DLC1: variants seen among roughly 807,000 people sequenced by gnomAD.
The protein encoded by DLC1 is rho GTPase-activating protein 7.
Under a neutral mutation model 140.3 loss-of-function variants are expected in DLC1, and 54 were observed. The ratio of observed to expected loss-of-function variants is 0.38; its 90% CI spans 0.31 to 0.48. The LOEUF (loss-of-function observed/expected upper bound fraction) is 0.48, where lower values mean the gene tolerates loss of function less well. Ranked by LOEUF, DLC1 falls within the 20% of genes least tolerant of loss-of-function variation. The pLI is 0.96. For missense variants in DLC1, 2,536 were observed against 1,907.0 expected (o/e 1.33, Z -6.14); for synonymous variants, 986 against 728.1 (o/e 1.35, Z -5.70).
intron 1 of DLC1, among the ~76,000 whole-genome samples, chr8:13,525,472 G>A (rs1180449091): frequency 6.6e-6 from 1 of 152,076 alleles, no homozygotes; most frequent in Non-Finnish European, 1.5e-5. Context: ...AAGAATTTTT[G>A]TTGTTACACA....
chr8:13,431,807 A>G (rs1171028558), intron 2 of DLC1, among the ~76,000 whole-genome samples: 1 of 152,126 alleles, frequency 6.6e-6, no homozygotes, highest in African/African-American at 2.4e-5. Flanking sequence ...AGTGGAGGAT[A>G]GGGGCCATGA....
intron 4 of DLC1, chr8:13,341,941 C>T (rs543393668): frequency 4.6e-5 from 7 of 152,186 alleles, no homozygotes; most frequent in Admixed American, 1.3e-4. Context: ...TAATAAAATG[C>T]CTAAACTGCT....
intron 4 of DLC1, among the ~76,000 whole-genome samples, chr8:13,383,277 C>T (rs189875887): frequency 2.0e-5 from 3 of 152,272 alleles, no homozygotes; most frequent in African/African-American, 7.2e-5. Flanking sequence ...CACTTACGTG[C>T]CTTCTGTTTC....
chr8:13,426,653 T>A (rs979166515), intron 2 of DLC1, among the ~76,000 whole-genome samples: 5 of 152,160 alleles, frequency 3.3e-5, no homozygotes, highest in Non-Finnish European at 7.3e-5. Flanking sequence ...CAATTGAGAC[T>A]TAGTAGGGGC....
chr8:13,589,544 C>T (rs894487427), intron 1 of DLC1, among the ~76,000 whole-genome samples: 1 of 152,050 alleles, frequency 6.6e-6, no homozygotes, highest in Non-Finnish European at 1.5e-5. Flanking sequence ...TCAACTATGA[C>T]ATCATAGAGA....
chr8:13,173,368 C>CTTTTT (rs35778236), intron 5 of DLC1, among the ~76,000 whole-genome samples: 35 of 103,524 alleles, frequency 3.4e-4, no homozygotes, highest in Non-Finnish European at 3.6e-4. Flanking sequence ...GTTCTGCCCT[C>CTTTTT]TTTTTTTTTT....
Position 13,222,358 on chromosome 8 carries a change from C to T in DLC1, c.1348+82911G>A, listed in dbSNP as rs539761818. Among the ~76,000 whole-genome samples, 54 of 152,224 alleles carry T rather than the reference C, an allele frequency of 3.5e-4. No individual in the cohort carries two copies. The South Asian group carries it at 0.01, about 29-fold the overall frequency. On this transcript the variant is annotated intron_variant, in intron 5 of 17. Coordinates refer to ENST00000276297, the MANE Select transcript of DLC1 (RefSeq NM_182643.3). ...ATTCTGTATTGGATTTTGAGCTATT[C>T]TGCTAAAAGTGTTTGAGACATTACA...
chr8:13,511,033 A>G (rs1169814622), intron 1 of DLC1, among the ~76,000 whole-genome samples: 1 of 152,116 alleles, frequency 6.6e-6, no homozygotes, highest in Admixed American at 6.6e-5. Flanking sequence ...TTTATTGACA[A>G]ATAAGTGTTG....
At position 13,579,315 on chromosome 8, in the gene DLC1, T is replaced by TTTTATATA. The variant is rs1487346725; in HGVS notation, c.-126+25221_-126+25222insTATATAAA. Among the ~76,000 whole-genome samples the TTTTATATA allele has an allele frequency of 1.5e-3, 16 of 10,666 alleles. 2 individuals are homozygous for TTTTATATA. The highest frequency in any genetic ancestry group is 7.2e-3 in the Admixed American group (4 of 556). The allele number at this position is 10,666 out of a possible 152,430, so 7.0% of individuals were successfully genotyped here. ...AAAGTCAGATACCACAGGTCTGACT[T>TTTTATATA]TATATATATATATATATATATATAT... On this transcript the variant is annotated intron_variant, in intron 1 of 1. Coordinates refer to the DLC1 transcript ENST00000631382.
chr8:13,424,936 CA>C (rs1838488893), intron 2 of DLC1, among the ~76,000 whole-genome samples: 2 of 152,096 alleles, frequency 1.3e-5, no homozygotes, highest in African/African-American at 4.8e-5. Context: ...TGTACCAATG[CA>C]TATGGAATAT....
intron 5 of DLC1, chr8:13,276,168 T>C (rs1563217840): frequency 4.1e-6 from 6 of 1,479,664 alleles, no homozygotes; most frequent in South Asian, 3.9e-5. Flanking sequence ...GATGAGATCA[T>C]TCATGAACCA....
At chr8:13,416,953 G>T (rs1838094074) in intron 2 of DLC1, among the ~76,000 whole-genome samples, 1 of 151,786 alleles carries the variant, frequency 6.6e-6, no homozygotes, top group African/African-American at 2.4e-5. Context: ...ATGTGCCTTT[G>T]TTAAAGTACT....
intron 4 of DLC1, among the ~76,000 whole-genome samples, chr8:13,347,186 G>A (rs1022578752): frequency 2.1e-4 from 32 of 152,322 alleles, no homozygotes; most frequent in African/African-American, 7.7e-4. Context: ...GGGGACTAAT[G>A]TATACTGTTT....
At chr8:13,155,496 A>G (rs1421289497) in intron 5 of DLC1, among the ~76,000 whole-genome samples, 2 of 152,134 alleles carry the variant, frequency 1.3e-5, no homozygotes, top group Non-Finnish European at 2.9e-5. Context: ...TTAAAAAAAC[A>G]TGTTCACCAA....
At chr8:13,098,336 C>T in intron 10 of DLC1, 63 bp downstream of exon 10, 2 of 1,580,764 alleles carry the variant, frequency 1.3e-6, no homozygotes, top group Non-Finnish European at 1.7e-6. Flanking sequence ...GTGGGGACAA[C>T]CTCAAGGAAC....
At chr8:13,398,834 T>C (rs1353344674) in intron 3 of DLC1, among the ~76,000 whole-genome samples, 2 of 152,070 alleles carry the variant, frequency 1.3e-5, no homozygotes, top group African/African-American at 2.4e-5. Flanking sequence ...CTTTGATTGA[T>C]GTTGGAGGAG....
intron 5 of DLC1, among the ~76,000 whole-genome samples, chr8:13,229,297 C>A (rs1341774189): frequency 6.6e-6 from 1 of 152,118 alleles, no homozygotes; most frequent in African/African-American, 2.4e-5. Context: ...CATTACGAAC[C>A]TTGTAAACAC....
In DLC1 at chr8:13,530,711, C is replaced by G. The variant is rs574881058; in HGVS notation, c.-125-30515G>C. Among the ~76,000 whole-genome samples, 34 of 152,264 alleles carry G rather than the reference C, an allele frequency of 2.2e-4. 1 individual carries two copies. The highest frequency in any genetic ancestry group is 8.2e-4 in the African/African-American group (34 of 41,550). On this transcript the variant is annotated intron_variant, in intron 1 of 1. Coordinates refer to the DLC1 transcript ENST00000631382. ...CAGATGACATATTGTTCCAATTTTA[C>G]ATTAGTACTCATATTTTAATAAGCA...
At chr8:13,115,514 A>G in intron 6 of DLC1, 72 bp downstream of exon 6, 1 of 1,350,182 alleles carries the variant, frequency 7.4e-7, no homozygotes, top group Non-Finnish European at 1.0e-6. Context: ...AAAATAAGTC[A>G]TAGATCAGTA....
Sources: gnomAD v4.1 joint callset for allele counts (sites outside exome capture counted in the v4.1 genomes callset) on GRCh38, gnomAD v4.1.1 for gene constraint, MANE v1.5 for transcripts, NCBI Gene and HGNC (gene_info 2026-07-23, HGNC 2026-07-21) for gene names.